The following SLAMF7 variants were observed in gnomAD, a reference collection of about 807,000 sequenced individuals.
SLAMF7 encodes the protein 19A24 protein.
A neutral mutation model predicts 34.1 loss-of-function variants in SLAMF7; 26 were observed. That is an observed-to-expected ratio of 0.76 (90% CI 0.56 to 1.06). The LOEUF (loss-of-function observed/expected upper bound fraction) is 1.06, where lower values mean the gene tolerates loss of function less well. Among genes scored for constraint, SLAMF7 ranks in the 50% least tolerant of loss-of-function variants. The pLI is 0.00. For missense variants in SLAMF7, 399 were observed against 402.5 expected (o/e 0.99, Z 0.07); for synonymous variants, 171 against 156.4 (o/e 1.09, Z -0.70).
Position 160,751,581 on chromosome 1 carries a change from C to T in SLAMF7, c.873+133C>T, listed in dbSNP as rs1664590242. ...TATATAGACTTAAAACTCAATGCAC[C>T]TGTGCCTCCTCCAAGTCTTCATGGA... On this transcript the variant is annotated intron_variant, in intron 5 of 6. Transcript: ENST00000368043. The T allele has an allele frequency of 4.5e-6, 3 of 668,738 alleles. No individual in the cohort carries two copies. The East Asian group carries it at 7.8e-5, about 17-fold the overall frequency. The allele number at this position is 668,738 out of a possible 1,614,324, so 41.4% of individuals were successfully genotyped here.
chr1:160,744,676 C>T (rs1207984518), intron 1 of SLAMF7, among the ~76,000 whole-genome samples: 2 of 152,176 alleles, frequency 1.3e-5, no homozygotes, highest in Non-Finnish European at 2.9e-5. Context: ...ACTTCCTCAC[C>T]TTAAATTATA....
rs1427016783 is a variant in SLAMF7 at position 160,748,434 on chromosome 1, A to G, written c.296A>G (p.Asp99Gly). 3 of 1,613,998 alleles carry G rather than the reference A, an allele frequency of 1.9e-6. No individual in the cohort carries two copies. Among genetic ancestry groups the G allele is most frequent in the Middle Eastern group, 1.6e-4 (1 of 6,062 alleles). Residue 99 changes from aspartate (D) to glycine (G), a missense_variant, in exon 2 of 7, where the codon GAC becomes GGC. Asp to Gly is a moderately conservative substitution (Grantham distance 94). Transcript: ENST00000368043. ...AAGCTCAGCAAACTGAAGAAGAATG[A>G]CTCAGGGATCTACTATGTGGGGATA... ...SLKLSKLKKN[D>G]SGIYYVGIYS...
rs1571138036 is a variant in SLAMF7, at chr1:160,753,231, A to G, written c.*54A>G. 6.9e-7 allele frequency: 1 copy of G among 1,448,914 alleles called. No homozygotes were observed. Among genetic ancestry groups the G allele is most frequent in the South Asian group, 1.2e-5 (1 of 84,924 alleles). The allele number at this position is 1,448,914 out of a possible 1,614,324, so 89.8% of individuals were successfully genotyped here. A position where few individuals can be genotyped will look rare whatever the true frequency, so the allele number is the denominator to read the frequency against. ...TCAAAAAAAAAACAATTCTCGGCCCAAAGAAAACAATCAGAAGAATTCACT... is the reference window on the plus strand; with the variant it reads ...TCAAAAAAAAAACAATTCTCGGCCCGAAGAAAACAATCAGAAGAATTCACT... On this transcript the variant is annotated 3_prime_UTR_variant, in exon 7 of 7. Transcript: ENST00000368043.
At chr1:160,745,905 C>A (rs1664090688) in intron 1 of SLAMF7, among the ~76,000 whole-genome samples, 1 of 152,118 alleles carries the variant, frequency 6.6e-6, no homozygotes, top group African/African-American at 2.4e-5. Flanking sequence ...ATTTGGAAAC[C>A]CTTGCCAAGA....
intron 1 of SLAMF7, chr1:160,739,573 G>A (rs1663567795): frequency 4.4e-6 from 2 of 458,620 alleles, no homozygotes; most frequent in Non-Finnish European, 7.8e-6. Flanking sequence ...CCTGTTGACT[G>A]TCCCAGGGAT....
chr1:160,751,371 G>A lies in SLAMF7; in HGVS notation c.796G>A (p.Asp266Asn), dbSNP rs139757809. The change falls in exon 5 of 7, where the codon GAC (aspartate) becomes AAC (asparagine). Residue 266 changes from aspartate to asparagine, a missense_variant. Physicochemically the swap from Asp to Asn is conservative, Grantham distance 23. Coordinates refer to ENST00000368043, the MANE Select transcript of SLAMF7 (RefSeq NM_021181.5). ...GTACATTGAAGAGAAGAAGAGAGTG[G>A]ACATTTGTCGGGAAACTCCTAACAT... ...EEYIEEKKRV[D>N]ICRETPNICP... 1.3e-3 allele frequency: 2,141 copies of A among 1,613,720 alleles called. 3 individuals carry two copies. Among genetic ancestry groups the A allele is most frequent in the Non-Finnish European group, 1.5e-3 (1,748 of 1,179,814 alleles).
At chr1:160,742,748 C>G (rs1410393420) in intron 1 of SLAMF7, among the ~76,000 whole-genome samples, 1 of 152,224 alleles carries the variant, frequency 6.6e-6, no homozygotes, top group Non-Finnish European at 1.5e-5. Context: ...AACTCCTCTT[C>G]CCTCTTCCAA....
At chr1:160,750,771 A>C in intron 4 of SLAMF7, 1 of 235,812 alleles carries the variant, frequency 4.2e-6, no homozygotes, top group Non-Finnish European at 8.3e-6. Flanking sequence ...ATGGCCTCCA[A>C]CTCTGAGGTC....
chr1:160,742,410 G>C (rs1391326771), intron 1 of SLAMF7, among the ~76,000 whole-genome samples: 1 of 152,178 alleles, frequency 6.6e-6, no homozygotes, highest in Admixed American at 6.5e-5. Flanking sequence ...ACTTTGCTGA[G>C]AAGCCATCCA....
At position 160,750,299 on chromosome 1, in the gene SLAMF7, T is replaced by G. The variant is rs969670923; in HGVS notation, c.650-5T>G. On this transcript the variant is annotated splice_polypyrimidine_tract_variant and splice_region_variant and intron_variant, in intron 3 of 6. Coordinates refer to ENST00000368043, the MANE Select transcript of SLAMF7 (RefSeq NM_021181.5). ...CTTCCCTGTGCCTCCACCCATTCTCTGAAGGTGCTGCTGATGACCCAGATT... is the reference window on the plus strand; with the variant it reads ...CTTCCCTGTGCCTCCACCCATTCTCGGAAGGTGCTGCTGATGACCCAGATT... 1 of 1,613,602 alleles carries G rather than the reference T, an allele frequency of 6.2e-7. No homozygotes were observed. Among genetic ancestry groups the G allele is most frequent in the African/African-American group, 1.3e-5 (1 of 74,918 alleles).
chr1:160,742,260 C>T (rs976583128), intron 1 of SLAMF7, among the ~76,000 whole-genome samples: 6 of 152,178 alleles, frequency 3.9e-5, no homozygotes, highest in Non-Finnish European at 8.8e-5. Flanking sequence ...AATCTCACAG[C>T]TGACTCCTCC....
At chr1:160,742,514 T>A (rs757486070) in intron 1 of SLAMF7, among the ~76,000 whole-genome samples, 1 of 152,238 alleles carries the variant, frequency 6.6e-6, no homozygotes, top group Non-Finnish European at 1.5e-5. Flanking sequence ...CTGACTCTCA[T>A]GCTCTCATTT....
intron 1 of SLAMF7, among the ~76,000 whole-genome samples, chr1:160,746,706 G>A (rs549816886): frequency 1.3e-5 from 2 of 152,326 alleles, no homozygotes; most frequent in South Asian, 4.1e-4. Context: ...CTGAGAGAAG[G>A]AAAATTCAGG....
In SLAMF7 at chr1:160,740,280, C is replaced by G. The variant is rs542119021; in HGVS notation, c.55+924C>G. ...CAGGTGGTTCTGGAATAGGCCCTCA[C>G]TTTAAAAAAAAAAAACAAAAAAAAA... On this transcript the variant is annotated intron_variant, in intron 1 of 6. Coordinates refer to ENST00000368043, the MANE Select transcript of SLAMF7 (RefSeq NM_021181.5). Among the ~76,000 whole-genome samples, 268 of 63,948 alleles carry G rather than the reference C, an allele frequency of 4.2e-3. 2 individuals are homozygous for G. The highest frequency in any genetic ancestry group is 0.017 in the African/African-American group (252 of 14,696). 42.0% of individuals were successfully genotyped at this position (63,948 alleles called of 152,430 possible).
Position 160,750,380 on chromosome 1 carries a change from A to G in SLAMF7, c.726A>G (p.Val242=). The G allele has an allele frequency of 6.2e-7, 1 of 1,613,946 alleles. No homozygotes were observed. Among genetic ancestry groups the G allele is most frequent in the East Asian group, 2.2e-5 (1 of 44,872 alleles). ...TGCCCCTCCTGCTCAGTCTCTTTGT[A>G]CTGGGGCTATTTCTTTGGTTTCTGA... ...LLVPLLLSLF[V]LGLFLWFLKR... Residue 242 remains valine (V), a synonymous_variant, in exon 4 of 7, where the codon GTA becomes GTG. Coordinates refer to ENST00000368043, the MANE Select transcript of SLAMF7 (RefSeq NM_021181.5).
At position 160,750,375 on chromosome 1, in the gene SLAMF7, T is replaced by A; in HGVS notation, c.721T>A (p.Phe241Ile). The change falls in exon 4 of 7, where the codon TTT (phenylalanine) becomes ATT (isoleucine). Residue 241 changes from phenylalanine (F) to isoleucine (I), a missense_variant. By Grantham distance (21) the Phe-to-Ile change is conservative. Transcript: ENST00000368043. ...LLLVPLLLSL[F>I]VLGLFLWFLK... ...GTTGGTGCCCCTCCTGCTCAGTCTCTTTGTACTGGGGCTATTTCTTTGGTT... is the reference window on the plus strand; with the variant it reads ...GTTGGTGCCCCTCCTGCTCAGTCTCATTGTACTGGGGCTATTTCTTTGGTT... 5 of 1,614,102 alleles carry A rather than the reference T, an allele frequency of 3.1e-6. No individual in the cohort carries two copies. The highest frequency in any genetic ancestry group is 4.2e-6 in the Non-Finnish European group (5 of 1,179,946).
In SLAMF7 at chr1:160,749,815, T is replaced by A; in HGVS notation, c.377-6T>A. 1 of 1,570,548 alleles carries A rather than the reference T, an allele frequency of 6.4e-7. No homozygotes were observed. The highest frequency in any genetic ancestry group is 1.4e-5 in the African/African-American group (1 of 73,294). Reference sequence around the variant, plus strand: ...TTTCCACCTCTGGTTTTCCTTCCTCTCACAGAGCACCTGTCAAAGCCTAAA... The same window carrying A: ...TTTCCACCTCTGGTTTTCCTTCCTCACACAGAGCACCTGTCAAAGCCTAAA... On this transcript the variant is annotated splice_region_variant and splice_polypyrimidine_tract_variant and intron_variant, in intron 2 of 6. Coordinates refer to ENST00000368043, the MANE Select transcript of SLAMF7 (RefSeq NM_021181.5).
intron 1 of SLAMF7, among the ~76,000 whole-genome samples, chr1:160,746,349 T>G (rs949320817): frequency 3.9e-5 from 6 of 152,214 alleles, no homozygotes; most frequent in African/African-American, 9.6e-5. Flanking sequence ...AAAGTCACCA[T>G]GTAGCCTTGC....
rs1664788833 is a variant in SLAMF7, at chr1:160,753,348, T to G, written c.*171T>G. On this transcript the variant is annotated 3_prime_UTR_variant, in exon 7 of 7. Coordinates refer to ENST00000368043, the MANE Select transcript of SLAMF7 (RefSeq NM_021181.5). ...ATGCTTCTTTAGATTTAAGAGTTCA[T>G]AATTCCATCCACTGCTGAGAAATCT... is the stretch of plus-strand genomic sequence containing the variant. The G allele has an allele frequency of 3.2e-6, 2 of 622,854 alleles. No individual in the cohort carries two copies. The highest frequency in any genetic ancestry group is 2.8e-6 in the Non-Finnish European group (1 of 360,500). The allele number at this position is 622,854 out of a possible 1,614,324, so 38.6% of individuals were successfully genotyped here. A position where few individuals can be genotyped will look rare whatever the true frequency, so the allele number is the denominator to read the frequency against.
Sources: allele counts gnomAD v4.1 joint callset (sites outside exome capture counted in the v4.1 genomes callset), GRCh38; gene constraint gnomAD v4.1.1; transcripts MANE v1.5; gene names NCBI Gene and HGNC (gene_info 2026-07-23, HGNC 2026-07-21).